The following GMDS variants were observed in gnomAD, a reference collection of about 807,000 sequenced individuals.
GMDS encodes GDP-mannose 4,6 dehydratase.
A neutral mutation model predicts 49.9 loss-of-function variants in GMDS; 20 were observed. That is an observed-to-expected ratio of 0.40 (90% CI 0.28 to 0.58). GMDS has a LOEUF of 0.58. Ranked by LOEUF, GMDS falls within the 20% of genes least tolerant of loss-of-function variation. GMDS has a pLI of 0.42. For missense variants in GMDS, 362 were observed against 481.4 expected (o/e 0.75, Z 2.32); for synonymous variants, 177 against 178.6 (o/e 0.99, Z 0.07).
chr6:2,139,082 A>T (rs1776150492), intron 1 of GMDS, among the ~76,000 whole-genome samples: 1 of 152,196 alleles, frequency 6.6e-6, no homozygotes, highest in Non-Finnish European at 1.5e-5. Context: ...AGGGATAAAA[A>T]TCTACATGTC....
intron 1 of GMDS, among the ~76,000 whole-genome samples, chr6:2,168,794 CA>C (rs1396706786): frequency 6.6e-6 from 1 of 151,930 alleles, no homozygotes; most frequent in African/African-American, 2.4e-5. Flanking sequence ...TAAGCAAGGT[CA>C]AAATTATTAA....
intron 7 of GMDS, among the ~76,000 whole-genome samples, chr6:1,824,171 T>C (rs1771008823): frequency 6.6e-6 from 1 of 152,158 alleles, no homozygotes; most frequent in African/African-American, 2.4e-5. Flanking sequence ...CCCGGGACCC[T>C]TGAAGTATAC....
intron 7 of GMDS, among the ~76,000 whole-genome samples, chr6:1,849,056 A>G (rs544072735): frequency 1.8e-4 from 27 of 152,292 alleles, no homozygotes; most frequent in Non-Finnish European, 3.4e-4. Context: ...GTCTCCAGAC[A>G]TTGCTAAAAC....
At chr6:1,666,444 A>C (rs1764242508) in intron 9 of GMDS, among the ~76,000 whole-genome samples, 1 of 152,172 alleles carries the variant, frequency 6.6e-6, no homozygotes, top group Admixed American at 6.5e-5. Flanking sequence ...CTCTCAGCCT[A>C]GTTACACCAG....
At chr6:2,109,069 C>A (rs1774401150) in intron 4 of GMDS, among the ~76,000 whole-genome samples, 1 of 152,106 alleles carries the variant, frequency 6.6e-6, no homozygotes, top group Admixed American at 6.5e-5. Context: ...AATGACAGGC[C>A]TCAGTCCCAG....
rs1464364027 is a variant in GMDS at position 1,833,516 on chromosome 6, T to G, written c.772-90930A>C. Reference sequence around the variant, plus strand: ...ACACATTTTTAAAACTTTTTTTTTTTGCCTTTTCTTCCTTTCCCTTCTCCT... The same window carrying G: ...ACACATTTTTAAAACTTTTTTTTTTGGCCTTTTCTTCCTTTCCCTTCTCCT... On this transcript the variant is annotated intron_variant, in intron 7 of 10. Coordinates refer to ENST00000380815, the MANE Select transcript of GMDS (RefSeq NM_001500.4). The surrounding 1 kb of genome is among the most constrained non-coding windows in gnomAD (Gnocchi z 4.4). Among the ~76,000 whole-genome samples, 1 of 152,104 alleles carries G rather than the reference T, an allele frequency of 6.6e-6. No homozygotes were observed. Among genetic ancestry groups the G allele is most frequent in the Non-Finnish European group, 1.5e-5 (1 of 68,006 alleles).
At position 1,659,875 on chromosome 6, in the gene GMDS, A is replaced by AAG. The variant is rs555668203; in HGVS notation, c.988-35337_988-35336dup. ...CATAATATCCATTAAAAAAAAAAGAAAGAGTAACAGCCATTTTAAACCCAA... is the reference window on the plus strand; with the variant it reads ...CATAATATCCATTAAAAAAAAAAGAAAGAGAGTAACAGCCATTTTAAACCCAA... On this transcript the variant is annotated intron_variant, in intron 9 of 10. Transcript: ENST00000380815. Among the ~76,000 whole-genome samples the AAG allele has an allele frequency of 2.4e-4, 37 of 152,260 alleles. No homozygotes were observed. The South Asian group carries it at 7.7e-3, about 32-fold the overall frequency.
At chr6:2,033,337 C>A (rs1769086287) in intron 4 of GMDS, among the ~76,000 whole-genome samples, 1 of 152,138 alleles carries the variant, frequency 6.6e-6, no homozygotes, top group Non-Finnish European at 1.5e-5. Context: ...AATTAAAAAG[C>A]TAGAGCAATA....
intron 4 of GMDS, among the ~76,000 whole-genome samples, chr6:1,963,142 T>C (rs1198224314): frequency 1.3e-5 from 2 of 151,784 alleles, no homozygotes; most frequent in Non-Finnish European, 2.9e-5. Flanking sequence ...CCCAAAGTGC[T>C]GGAATTACAG....
At chr6:2,117,336 C>T in intron 3 of GMDS, 133 bp downstream of exon 3, 1 of 653,162 alleles carries the variant, frequency 1.5e-6, no homozygotes, top group Non-Finnish European at 2.8e-6. Flanking sequence ...GTATTCAGTG[C>T]AGTAATTCAT....
Position 1,798,831 on chromosome 6 carries a change from C to T in GMDS, c.772-56245G>A, listed in dbSNP as rs571010290. On this transcript the variant is annotated intron_variant, in intron 7 of 10. Coordinates refer to ENST00000380815, the MANE Select transcript of GMDS (RefSeq NM_001500.4). The stretch of plus-strand genomic sequence containing the variant: ...GAGACAGCTTTGTTGACACCTACAC[C>T]GGGTGTGTGAACTGCAGGCTATGAC... Among the ~76,000 whole-genome samples the T allele has an allele frequency of 6.6e-5, 10 of 152,270 alleles. No homozygotes were observed. The South Asian group carries it at 2.1e-3, about 32-fold the overall frequency.
At chr6:1,876,050 G>T (rs1378606861) in intron 7 of GMDS, among the ~76,000 whole-genome samples, 1 of 147,384 alleles carries the variant, frequency 6.8e-6, no homozygotes, top group Non-Finnish European at 1.5e-5. Context: ...AAAAAAATGT[G>T]AGCATAAATA....
At chr6:1,664,436 GA>G (rs1764176289) in intron 9 of GMDS, among the ~76,000 whole-genome samples, 1 of 152,188 alleles carries the variant, frequency 6.6e-6, no homozygotes, top group Admixed American at 6.5e-5. Context: ...TCACATGGGA[GA>G]CCGTGAGTAT....
At chr6:1,930,814 A>T (rs1322204597) in intron 6 of GMDS, 1 of 152,250 alleles carries the variant, frequency 6.6e-6, no homozygotes, top group Non-Finnish European at 1.5e-5. Flanking sequence ...AAACCTGCAC[A>T]GCCATCCAAA....
chr6:1,841,855 C>T (rs2113748040), intron 7 of GMDS, among the ~76,000 whole-genome samples: 1 of 152,308 alleles, frequency 6.6e-6, no homozygotes, highest in South Asian at 2.1e-4. Flanking sequence ...TCTTCTCACT[C>T]ACTTCTATCC....
intron 6 of GMDS, among the ~76,000 whole-genome samples, chr6:1,942,194 C>T (rs926195098): frequency 6.6e-6 from 1 of 152,234 alleles, no homozygotes; most frequent in African/African-American, 2.4e-5. Flanking sequence ...TGAATGGTCT[C>T]ACCCTGCACC....
intron 8 of GMDS, among the ~76,000 whole-genome samples, chr6:1,735,149 G>A (rs973856137): frequency 6.6e-6 from 1 of 152,174 alleles, no homozygotes. Flanking sequence ...GTGCCAAAAC[G>A]ACCAGTGCCC....
At chr6:2,185,834 G>A (rs1262642969) in intron 1 of GMDS, among the ~76,000 whole-genome samples, 1 of 152,012 alleles carries the variant, frequency 6.6e-6, no homozygotes, top group African/African-American at 2.4e-5. Context: ...GTAAGGCTGG[G>A]GCTGCACCCT....
intron 4 of GMDS, among the ~76,000 whole-genome samples, chr6:1,975,309 C>T (rs1443540613): frequency 6.6e-6 from 1 of 152,102 alleles, no homozygotes; most frequent in Non-Finnish European, 1.5e-5. Context: ...ACATAATTCA[C>T]CTAGACTGTC....
Sources: allele counts gnomAD v4.1 joint callset (sites outside exome capture counted in the v4.1 genomes callset), GRCh38; gene constraint gnomAD v4.1.1; non-coding constraint Gnocchi (gnomAD v3.1); transcripts MANE v1.5; gene names NCBI Gene and HGNC (gene_info 2026-07-23, HGNC 2026-07-21).